Variants in ZBTB7A observed in about 807,000 individuals in gnomAD.
The protein encoded by ZBTB7A is zinc finger and BTB domain containing 7A, also known as zinc finger and BTB domain-containing protein 7A.
Under a neutral mutation model 26.7 loss-of-function variants are expected in ZBTB7A, and 7 were observed. The ratio of observed to expected loss-of-function variants is 0.26; its 90% CI spans 0.15 to 0.49. The LOEUF is 0.49. Among genes scored for constraint, ZBTB7A ranks in the 20% least tolerant of loss-of-function variants. The pLI, the probability that ZBTB7A is intolerant of heterozygous loss-of-function variation, is 0.98. For synonymous variants in ZBTB7A, 452 were observed against 441.0 expected (o/e 1.02, Z -0.31); for missense variants, 617 against 919.5 (o/e 0.67, Z 4.25).
intron 1 of ZBTB7A, among the ~76,000 whole-genome samples, chr19:4,056,620 A>T (rs2040580989): frequency 6.6e-6 from 1 of 152,156 alleles, no homozygotes; most frequent in Non-Finnish European, 1.5e-5. Flanking sequence ...CTGTAATCCC[A>T]GCACTTTGGG....
chr19:4,054,735 G>A lies in ZBTB7A; in HGVS notation c.498C>T (p.Ser166=). 6.4e-7 allele frequency: 1 copy of A among 1,570,190 alleles called. No individual in the cohort carries two copies. Among genetic ancestry groups the A allele is most frequent in the South Asian group, 1.2e-5 (1 of 86,292 alleles). ...RAKEYLEFFQ[S]NPMNSLPPAA... ...CGGGGGGCAGGCTGTTCATGGGGTT[G>A]CTCTGGAAGAACTCGAGGTACTCCT... Residue 166 remains serine, a synonymous_variant, in exon 2 of 3, where the codon AGC becomes AGT. Transcript: ENST00000322357.
chr19:4,053,383 ATG>A (rs1342609030), intron 2 of ZBTB7A, among the ~76,000 whole-genome samples: 1 of 151,598 alleles, frequency 6.6e-6, no homozygotes, highest in African/African-American at 2.4e-5. Flanking sequence ...GTGTGCATAT[ATG>A]TGTGTCTGTG....
intron 1 of ZBTB7A, among the ~76,000 whole-genome samples, chr19:4,059,700 C>G (rs935981848): frequency 3.3e-5 from 5 of 152,236 alleles, no homozygotes; most frequent in African/African-American, 1.2e-4. Flanking sequence ...CGCTCTGAGA[C>G]AACTGACCCA....
At chr19:4,060,310 A>T (rs764404183) in intron 1 of ZBTB7A, among the ~76,000 whole-genome samples, 15 of 152,332 alleles carry the variant, frequency 9.8e-5, no homozygotes, top group Non-Finnish European at 1.5e-4. Flanking sequence ...GCTGCCAGGC[A>T]TACCCAGAAG....
Position 4,054,812 on chromosome 19 carries a change from C to A in ZBTB7A, c.421G>T (p.Gly141Trp). The A allele has an allele frequency of 6.3e-7, 1 of 1,594,858 alleles. No homozygotes were observed. Among genetic ancestry groups the A allele is most frequent in the Middle Eastern group, 1.7e-4 (1 of 6,040 alleles). ...ILAADAGADAGQLDLVDQIDQ... is the reference protein window; with the variant it reads ...ILAADAGADAWQLDLVDQIDQ... ...ATTTGATCTACAAGGTCCAGCTGCC[C>A]GGCGTCGGCGCCCGCGTCGGCCGCC... The change falls in exon 2 of 3, where the codon GGG (glycine) becomes TGG (tryptophan). Residue 141 changes from glycine (G) to tryptophan (W), a missense_variant. Physicochemically the swap from Gly to Trp is radical, Grantham distance 184. This residue lies in a region of ZBTB7A where 331 missense variants were observed against 391.3 expected (regional missense o/e 0.85). Transcript: ENST00000322357.
Position 4,046,431 on chromosome 19 carries a change from GCTT to G in ZBTB7A, c.*1318_*1320del, listed in dbSNP as rs2040418187. Reference sequence around the variant, plus strand: ...CTCTCTCTCGCTCTCTCTCTCGCTCGCTTTTTTTTTTTTTTTTTGTCTTTTCAA... The same window carrying G: ...CTCTCTCTCGCTCTCTCTCTCGCTCGTTTTTTTTTTTTTTTGTCTTTTCAA... On this transcript the variant is annotated 3_prime_UTR_variant, in exon 3 of 3. Transcript: ENST00000322357. The G allele has an allele frequency of 3.1e-5, 2 of 64,902 alleles. No homozygotes were observed. Among genetic ancestry groups the G allele is most frequent in the Admixed American group, 2.7e-4 (1 of 3,726 alleles). 4.0% of individuals were successfully genotyped at this position (64,902 alleles called of 1,614,324 possible). A position where few individuals can be genotyped will look rare whatever the true frequency, so the allele number is the denominator to read the frequency against.
chr19:4,047,814 C>G lies in ZBTB7A; in HGVS notation c.1693G>C (p.Gly565Arg). The G allele has an allele frequency of 6.2e-7, 1 of 1,604,808 alleles. No individual in the cohort carries two copies. Among genetic ancestry groups the G allele is most frequent in the Non-Finnish European group, 8.5e-7 (1 of 1,176,364 alleles). ...RLNVAGAGGG[G>R]DSGGGPGAAT... is the part of the protein sequence containing the mutation. ...GCCCCGGGGCCACCTCCGCTGTCAC[C>G]TCCTCCACCGGCGCCCGCTACATTC... The change falls in exon 3 of 3, where the codon GGT becomes CGT. Residue 565 changes from glycine (G) to arginine (R), a missense_variant. Gly to Arg is a moderately radical substitution (Grantham distance 125). Coordinates refer to ENST00000322357, the MANE Select transcript of ZBTB7A (RefSeq NM_015898.4).
intron 2 of ZBTB7A, among the ~76,000 whole-genome samples, chr19:4,053,392 TGTGG>T (rs1274890240): frequency 1.3e-5 from 2 of 152,144 alleles, no homozygotes; most frequent in Admixed American, 6.5e-5. Flanking sequence ...TATGTGTGTC[TGTGG>T]GTGCATGTTT....
chr19:4,047,773 G>A lies in ZBTB7A; in HGVS notation c.1734C>T (p.Asn578=), dbSNP rs758024781. Residue 578 remains asparagine (N), a synonymous_variant, in exon 3 of 3, where the codon AAC becomes AAT. Coordinates refer to ENST00000322357, the MANE Select transcript of ZBTB7A (RefSeq NM_015898.4). ...GTTTTTAGGCGAGTCCGGCTGTGAA[G>A]TTACCGTCGGTGGCGGCCCCGGGGC... The part of the protein sequence containing the change: ...GGGPGAATDG[N]FTAGLA The A allele has an allele frequency of 6.2e-7, 1 of 1,600,224 alleles. No individual in the cohort carries two copies. The highest frequency in any genetic ancestry group is 1.1e-5 in the South Asian group (1 of 89,514).
rs531061669 is a variant in ZBTB7A, at chr19:4,066,683, T to C, written c.-17A>G. 2.0e-5 allele frequency: 3 copies of C among 150,844 alleles called. No individual in the cohort carries two copies. The South Asian group carries it at 5.7e-4, about 29-fold the overall frequency. 9.3% of individuals were successfully genotyped at this position (150,844 alleles called of 1,614,324 possible). Reference sequence around the variant, plus strand: ...GGGCCGCGCCGGGCGCTGACTTACCTCGCGGGGCCGGGCCGGGGCGCGCGG... The same window carrying C: ...GGGCCGCGCCGGGCGCTGACTTACCCCGCGGGGCCGGGCCGGGGCGCGCGG... On this transcript the variant is annotated splice_region_variant and 5_prime_UTR_variant, in exon 1 of 3. Transcript: ENST00000322357.
chr19:4,064,734 T>A (rs2040674514), intron 1 of ZBTB7A, among the ~76,000 whole-genome samples: 1 of 151,868 alleles, frequency 6.6e-6, no homozygotes, highest in Non-Finnish European at 1.5e-5. Context: ...CCGCCACCCA[T>A]GGGTGAGCCA....
chr19:4,055,176 G>A lies in ZBTB7A; in HGVS notation c.57C>T (p.Asp19=), dbSNP rs923756508. 3 of 1,598,640 alleles carry A rather than the reference G, an allele frequency of 1.9e-6. No individual in the cohort carries two copies. The highest frequency in any genetic ancestry group is 2.6e-6 in the Non-Finnish European group (3 of 1,172,842). ...GCTGCTCGTTCAGCCCACTCAGGAT[G>A]TCGCTGCTGTGGTCGGGGAACGGGA... ...IGIPFPDHSS[D]ILSGLNEQRT... is the part of the protein sequence containing the mutation. The change falls in exon 2 of 3, where the codon GAC becomes GAT. Residue 19 remains aspartate (D), a synonymous_variant. Coordinates refer to ENST00000322357, the MANE Select transcript of ZBTB7A (RefSeq NM_015898.4).
chr19:4,048,100 G>A lies in ZBTB7A; in HGVS notation c.1407C>T (p.Asp469=). The part of the protein sequence containing the change: ...VHTGLRPYQC[D]SCCKTFVRSD... ...AGCGGACGAAGGTCTTGCAGCAGCT[G>A]TCGCACTGGTAGGGGCGCAGGCCCG... The change falls in exon 3 of 3, where the codon GAC becomes GAT. Residue 469 remains aspartate, a synonymous_variant. Coordinates refer to ENST00000322357, the MANE Select transcript of ZBTB7A (RefSeq NM_015898.4). The surrounding 1 kb of genome is among the most constrained non-coding windows in gnomAD (Gnocchi z 6.7). 1 of 1,610,584 alleles carries A rather than the reference G, an allele frequency of 6.2e-7. No individual in the cohort carries two copies. The highest frequency in any genetic ancestry group is 8.5e-7 in the Non-Finnish European group (1 of 1,178,930).
Position 4,046,577 on chromosome 19 carries a change from T to C in ZBTB7A, c.*1175A>G, listed in dbSNP as rs1019819920. The C allele has an allele frequency of 6.6e-6, 1 of 151,076 alleles. No homozygotes were observed. Among genetic ancestry groups the C allele is most frequent in the African/African-American group, 2.4e-5 (1 of 41,174 alleles). The allele number at this position is 151,076 out of a possible 1,614,324, so 9.4% of individuals were successfully genotyped here. ...ACTTCTAATGTGGTTGGTTGCCTTT[T>C]TTTTTTTCCTTCCTTTCATTTTGTA... is the stretch of plus-strand genomic sequence containing the variant. On this transcript the variant is annotated 3_prime_UTR_variant, in exon 3 of 3. Coordinates refer to ENST00000322357, the MANE Select transcript of ZBTB7A (RefSeq NM_015898.4).
rs889860921 is a variant in ZBTB7A at position 4,043,967 on chromosome 19, A to G, written c.*3785T>C. Among the ~76,000 whole-genome samples, 2 of 149,860 alleles carry G rather than the reference A, an allele frequency of 1.3e-5. No homozygotes were observed. Among genetic ancestry groups the G allele is most frequent in the South Asian group, 4.2e-4 (2 of 4,802 alleles). ...TTTTTGCTTTTTTTGTTGGTTTTTA[A>G]TATTTTTTTTTCTTCTGTTTTTCCT... On this transcript the variant is annotated 3_prime_UTR_variant, in exon 3 of 3. Coordinates refer to ENST00000322357, the MANE Select transcript of ZBTB7A (RefSeq NM_015898.4).
At chr19:4,063,526 A>T (rs535612519) in intron 1 of ZBTB7A, among the ~76,000 whole-genome samples, 4 of 152,178 alleles carry the variant, frequency 2.6e-5, no homozygotes, top group Non-Finnish European at 5.9e-5. Context: ...GGGAGGCGAG[A>T]GGGCTGTGGC....
intron 1 of ZBTB7A, among the ~76,000 whole-genome samples, chr19:4,063,384 G>A (rs1318263232): frequency 6.6e-6 from 1 of 152,146 alleles, no homozygotes; most frequent in Non-Finnish European, 1.5e-5. Context: ...AGGTGACCTC[G>A]GTCTCCTCTG....
chr19:4,043,930 C>G lies in ZBTB7A; in HGVS notation c.*3822G>C, dbSNP rs1279197367. ...TGCAAATATAAATATCTTTCTTTCTCAAAAAATAGGATTTTTGCTTTTTTT... is the reference window on the plus strand; with the variant it reads ...TGCAAATATAAATATCTTTCTTTCTGAAAAAATAGGATTTTTGCTTTTTTT... On this transcript the variant is annotated 3_prime_UTR_variant, in exon 3 of 3. Coordinates refer to ENST00000322357, the MANE Select transcript of ZBTB7A (RefSeq NM_015898.4). 6.8e-6 allele frequency among the ~76,000 whole-genome samples: 1 copy of G among 146,718 alleles called. No individual in the cohort carries two copies. Among genetic ancestry groups the G allele is most frequent in the Non-Finnish European group, 1.5e-5 (1 of 66,952 alleles).
At position 4,052,891 on chromosome 19, in the gene ZBTB7A, G is replaced by A. The variant is rs547351476; in HGVS notation, c.1262+1080C>T. Reference sequence around the variant, plus strand: ...ACTGGCTGTTCCCTCTGCCTGGAACGCCCTTTCCCACAGCTGCTCCTCCCC... The same window carrying A: ...ACTGGCTGTTCCCTCTGCCTGGAACACCCTTTCCCACAGCTGCTCCTCCCC... On this transcript the variant is annotated intron_variant, in intron 2 of 2. Coordinates refer to ENST00000322357, the MANE Select transcript of ZBTB7A (RefSeq NM_015898.4). The surrounding 1 kb of genome is among the most constrained non-coding windows in gnomAD (Gnocchi z 4.9). Among the ~76,000 whole-genome samples the A allele has an allele frequency of 2.0e-3, 308 of 152,308 alleles. 2 individuals are homozygous for A. The highest frequency in any genetic ancestry group is 7.1e-3 in the African/African-American group (293 of 41,560).
Sources: allele counts gnomAD v4.1 joint callset (sites outside exome capture counted in the v4.1 genomes callset), GRCh38; gene constraint gnomAD v4.1.1; regional missense constraint gnomAD v4.1.1; non-coding constraint Gnocchi (gnomAD v3.1); transcripts MANE v1.5; gene names NCBI Gene and HGNC (gene_info 2026-07-23, HGNC 2026-07-21).